TDRD12: variants seen among roughly 807,000 people sequenced by gnomAD.
The protein encoded by TDRD12 is tudor domain containing 12.
In TDRD12, 158 loss-of-function variants were observed where a neutral mutation model predicts 133.5. The ratio of observed to expected loss-of-function variants is 1.18; its 90% CI spans 1.04 to 1.35. The LOEUF is 1.35. TDRD12 is among the 40% of genes most tolerant of loss of function. TDRD12 has a pLI of 0.00. For missense variants in TDRD12, 1,443 were observed against 1,321.3 expected (o/e 1.09, Z -1.43); for synonymous variants, 460 against 477.9 (o/e 0.96, Z 0.49).
intron 17 of TDRD12, 110 bp downstream of exon 17, chr19:32,800,468 A>G (rs1422124093): frequency 9.8e-6 from 10 of 1,018,822 alleles, no homozygotes; most frequent in Non-Finnish European, 1.4e-5. Flanking sequence ...GTATTAAACA[A>G]TTACAGCTTT....
exon 3 of TDRD12, chr19:32,738,983 A>G (rs1171053572): frequency 2.6e-6 from 4 of 1,550,536 alleles, no homozygotes; most frequent in South Asian, 1.2e-5. Flanking sequence ...ATTCCAGTCA[A>G]ATCTAAAAAG....
At chr19:32,782,163 G>A (rs1970788795) in intron 11 of TDRD12, among the ~76,000 whole-genome samples, 1 of 130,078 alleles carries the variant, frequency 7.7e-6, no homozygotes, top group Non-Finnish European at 1.5e-5. Context: ...TCTCTTCCCT[G>A]TATCCATGCG....
At position 32,727,738 on chromosome 19, in the gene TDRD12, G is replaced by A. The variant is rs928167377; in HGVS notation, c.25-3987G>A. On this transcript the variant is annotated intron_variant, in intron 1 of 27. Transcript: ENST00000444215. ...GGCCGGAGTGCAGTGGTGCAATTTC[G>A]GCTCACTGCAACCTCCACCTCCCAG... 3.3e-5 allele frequency among the ~76,000 whole-genome samples: 5 copies of A among 151,840 alleles called. No individual in the cohort carries two copies. In the East Asian group the frequency reaches 5.8e-4, roughly 18 times the overall value.
At position 32,815,542 on chromosome 19, in the gene TDRD12, C is replaced by G; in HGVS notation, c.3236C>G (p.Pro1079Arg). 3 of 1,536,306 alleles carry G rather than the reference C, an allele frequency of 2.0e-6. No homozygotes were observed. In the Admixed American group the frequency reaches 5.9e-5, roughly 30 times the overall value. ...TCCATGGGCATGGGCATTGATAATC[C>G]AGAACACATAGAACAACTGAAAAAA... Residue 1079 changes from proline (P) to arginine (R), a missense_variant, in exon 26 of 28, where the codon CCA (proline) becomes CGA (arginine). Coordinates refer to ENST00000444215, the Ensembl canonical transcript of TDRD12.
intron 11 of TDRD12, among the ~76,000 whole-genome samples, chr19:32,783,344 C>T (rs1970820810): frequency 6.6e-6 from 1 of 152,102 alleles, no homozygotes; most frequent in Admixed American, 6.6e-5. Flanking sequence ...GGTACCAGTG[C>T]CATGCTGTTT....
intron 1 of TDRD12, among the ~76,000 whole-genome samples, chr19:32,722,513 A>C (rs1003161125): frequency 2.0e-5 from 3 of 152,104 alleles, no homozygotes; most frequent in African/African-American, 7.2e-5. Context: ...CAAGGATGAA[A>C]TATTTTTCCC....
At chr19:32,738,454 T>G (rs1969292258) in intron 2 of TDRD12, among the ~76,000 whole-genome samples, 1 of 152,182 alleles carries the variant, frequency 6.6e-6, no homozygotes, top group African/African-American at 2.4e-5. Flanking sequence ...GAATGTTGAC[T>G]GGGATGGTTT....
In TDRD12 at chr19:32,810,397, G is replaced by A. The variant is rs541567574; in HGVS notation, c.2837+120G>A. ...GTGTGTATGTGAGCCTGGTGACAGC[G>A]GGGTGTCCCCCCAGATGCCTGCTCC... On this transcript the variant is annotated intron_variant, in intron 23 of 27. Transcript: ENST00000444215. The A allele has an allele frequency of 2.1e-5, 17 of 807,934 alleles. No homozygotes were observed. The Middle Eastern group carries it at 1.0e-3, about 48-fold the overall frequency. 50.0% of individuals were successfully genotyped at this position (807,934 alleles called of 1,614,324 possible).
intron 27 of TDRD12, among the ~76,000 whole-genome samples, chr19:32,819,244 G>A (rs1967294997): frequency 6.6e-6 from 1 of 151,530 alleles, no homozygotes; most frequent in Admixed American, 6.6e-5. Flanking sequence ...TTGAGCCCAG[G>A]AGGTTTAGGC....
At chr19:32,789,740 C>T (rs1345850467) in intron 11 of TDRD12, among the ~76,000 whole-genome samples, 1 of 152,178 alleles carries the variant, frequency 6.6e-6, no homozygotes, top group South Asian at 2.1e-4. Flanking sequence ...GTGGCTCACG[C>T]CTATAATCCC....
At chr19:32,725,895 T>A (rs1355629644) in intron 1 of TDRD12, among the ~76,000 whole-genome samples, 1 of 152,110 alleles carries the variant, frequency 6.6e-6, no homozygotes, top group Non-Finnish European at 1.5e-5. Context: ...CTTTGTTAGT[T>A]GTATTCCTAG....
intron 1 of TDRD12, among the ~76,000 whole-genome samples, chr19:32,722,186 GTC>G (rs1230764700): frequency 1.3e-5 from 2 of 152,152 alleles, no homozygotes; most frequent in Non-Finnish European, 2.9e-5. Flanking sequence ...GTCAGATGTT[GTC>G]TGTCAGTCCT....
intron 11 of TDRD12, among the ~76,000 whole-genome samples, chr19:32,778,640 C>T (rs554947788): frequency 6.6e-6 from 1 of 152,204 alleles, no homozygotes; most frequent in East Asian, 1.9e-4. Flanking sequence ...GCTGGAATTA[C>T]AGGCGCCTGC....
In TDRD12 at chr19:32,736,611, C is replaced by T. The variant is rs145674339; in HGVS notation, c.184-2245C>T. 7.9e-5 allele frequency among the ~76,000 whole-genome samples: 12 copies of T among 152,302 alleles called. No homozygotes were observed. The East Asian group carries it at 2.3e-3, about 29-fold the overall frequency. On this transcript the variant is annotated intron_variant, in intron 2 of 27. Coordinates refer to ENST00000444215, the Ensembl canonical transcript of TDRD12. ...TTGTCAGGATTTCTGTTGAATTATT[C>T]GAGTTTTGAGTTATGTGAGGTTCTC... is the stretch of plus-strand genomic sequence containing the variant.
rs869285558 is a variant in TDRD12 at position 32,777,857 on chromosome 19, A to ATTTTTTTT, written c.1121+655_1121+662dup. ...TATATATATATATATATATATATAT[A>ATTTTTTTT]TTTTTTTTTTTTTTTTTTTTTTTTT... On this transcript the variant is annotated intron_variant, in intron 11 of 27. Transcript: ENST00000444215. Among the ~76,000 whole-genome samples, 2 of 20,052 alleles carry ATTTTTTTT rather than the reference A, an allele frequency of 1.0e-4. 1 individual carries two copies. Among genetic ancestry groups the ATTTTTTTT allele is most frequent in the Non-Finnish European group, 1.6e-4 (2 of 12,350 alleles). 13.2% of individuals were successfully genotyped at this position (20,052 alleles called of 152,430 possible).
At chr19:32,821,245 A>G (rs762899044) in exon 28 of TDRD12, 5 of 951,726 alleles carry the variant, frequency 5.3e-6, no homozygotes, top group African/African-American at 1.7e-5. Context: ...AGAAGATGAC[A>G]TAAACTGATA....
rs5827820 is a variant in TDRD12, at chr19:32,764,103, C to CTTTTTTTTTTT, written c.865+6988_865+6998dup. 4.4e-4 allele frequency among the ~76,000 whole-genome samples: 32 copies of CTTTTTTTTTTT among 72,328 alleles called. 2 individuals carry two copies. The highest frequency in any genetic ancestry group is 5.0e-4 in the Non-Finnish European group (21 of 42,034). 47.4% of individuals were successfully genotyped at this position (72,328 alleles called of 152,430 possible). A position where few individuals can be genotyped will look rare whatever the true frequency, so the allele number is the denominator to read the frequency against. On this transcript the variant is annotated intron_variant, in intron 8 of 27. Transcript: ENST00000444215. ...TTCTTTTTTTACTTGTATTGTCCAT[C>CTTTTTTTTTTT]TTTTTTTTTTTTTTTTTTTTTTTTT...
intron 1 of TDRD12, among the ~76,000 whole-genome samples, chr19:32,721,823 T>G (rs1444375340): frequency 6.6e-6 from 1 of 151,634 alleles, no homozygotes; most frequent in African/African-American, 2.4e-5. Context: ...TTCTCCTGCC[T>G]CAGCCTCCCA....
intron 11 of TDRD12, among the ~76,000 whole-genome samples, chr19:32,785,054 C>T (rs937942333): frequency 5.3e-5 from 8 of 152,176 alleles, no homozygotes; most frequent in African/African-American, 1.7e-4. Context: ...TCTTGCTTCT[C>T]TAGTTCTCTT....
Sources: gnomAD v4.1 joint callset for allele counts (sites outside exome capture counted in the v4.1 genomes callset) on GRCh38, gnomAD v4.1.1 for gene constraint, MANE v1.5 for transcripts, NCBI Gene and HGNC (gene_info 2026-07-23, HGNC 2026-07-21) for gene names.